The following GRIA4 variants were observed in gnomAD, a reference collection of about 807,000 sequenced individuals.
GRIA4 encodes glutamate receptor 4.
Under a neutral mutation model 104.0 loss-of-function variants are expected in GRIA4, and 34 were observed. The ratio of observed to expected loss-of-function variants is 0.33; its 90% CI spans 0.25 to 0.44. The LOEUF is 0.44. Ranked by LOEUF, GRIA4 falls within the 20% of genes least tolerant of loss-of-function variation. The pLI, the probability that GRIA4 is intolerant of heterozygous loss-of-function variation, is 1.00. For missense variants in GRIA4, 750 were observed against 1,096.5 expected, an observed-to-expected ratio of 0.68 and a Z score of 4.46; for synonymous variants, 386 against 381.9, an observed-to-expected ratio of 1.01 and a Z score of -0.13.
intron 14 of GRIA4, among the ~76,000 whole-genome samples, chr11:105,935,268 CA>C (rs1199662037): frequency 6.6e-6 from 1 of 151,992 alleles, no homozygotes; most frequent in Non-Finnish European, 1.5e-5. Context: ...AGAGGTAAAA[CA>C]AAACTAGCCA....
At chr11:105,834,225 C>G (rs1263273362) in intron 4 of GRIA4, among the ~76,000 whole-genome samples, 1 of 152,032 alleles carries the variant, frequency 6.6e-6, no homozygotes, top group Non-Finnish European at 1.5e-5. Context: ...AAGAAGATAT[C>G]CCTACTCCAT....
chr11:105,735,894 G>A (rs1938907401), intron 3 of GRIA4, among the ~76,000 whole-genome samples: 1 of 152,150 alleles, frequency 6.6e-6, no homozygotes, highest in South Asian at 2.1e-4. Flanking sequence ...AGGTTAAAAT[G>A]AGCACTGTAA....
At chr11:105,714,810 T>C (rs986546688) in intron 3 of GRIA4, among the ~76,000 whole-genome samples, 2 of 152,012 alleles carry the variant, frequency 1.3e-5, no homozygotes. Context: ...CAGAAGAGTG[T>C]GTGTGTGTGT....
At chr11:105,974,501 A>G (rs753830633) in intron 16 of GRIA4, 57 bp downstream of exon 16, 1 of 1,613,788 alleles carries the variant, frequency 6.2e-7, no homozygotes, top group Non-Finnish European at 8.5e-7. Flanking sequence ...CCCAGAATTT[A>G]GCAACCTATA....
rs577899136 is a variant in GRIA4 at position 105,900,779 on chromosome 11, G to A, written c.885+2352G>A. On this transcript the variant is annotated intron_variant, in intron 7 of 16. Coordinates refer to ENST00000282499, the MANE Select transcript of GRIA4 (RefSeq NM_000829.4). ...TAATCTTTGTATTTTTAGTATAGACGGGGTTTCGCCACGATGGCCAGGCTG... is the reference window on the plus strand; with the variant it reads ...TAATCTTTGTATTTTTAGTATAGACAGGGTTTCGCCACGATGGCCAGGCTG... Among the ~76,000 whole-genome samples the A allele has an allele frequency of 2.6e-5, 4 of 152,046 alleles. No homozygotes were observed. In the East Asian group the frequency reaches 5.8e-4, roughly 22 times the overall value.
chr11:105,965,787 A>G (rs958598330), intron 14 of GRIA4, among the ~76,000 whole-genome samples: 5 of 152,196 alleles, frequency 3.3e-5, no homozygotes, highest in South Asian at 4.1e-4. Flanking sequence ...ATTAGTTACA[A>G]TTGCCTTTGG....
chr11:105,856,262 C>A (rs1945004485), intron 4 of GRIA4, among the ~76,000 whole-genome samples: 1 of 152,068 alleles, frequency 6.6e-6, no homozygotes, highest in Non-Finnish European at 1.5e-5. Context: ...TTTTGTCACT[C>A]TTTTCTGAGA....
chr11:105,767,267 G>A (rs1940987930), intron 4 of GRIA4, among the ~76,000 whole-genome samples: 1 of 152,216 alleles, frequency 6.6e-6, no homozygotes, highest in South Asian at 2.1e-4. Context: ...AGGAATGCTT[G>A]TTCCCTAGGA....
At chr11:105,805,975 A>G (rs1299786017) in intron 4 of GRIA4, among the ~76,000 whole-genome samples, 1 of 151,882 alleles carries the variant, frequency 6.6e-6, no homozygotes, top group African/African-American at 2.4e-5. Flanking sequence ...ACAACAAAGA[A>G]CCAAAGCAAT....
rs72979258 is a variant in GRIA4 at position 105,980,739 on chromosome 11, T to C, written c.*1000T>C. On this transcript the variant is annotated 3_prime_UTR_variant, in exon 17 of 17. Transcript: ENST00000282499. ...TACAGAGCTTAAAAGTTTTTTCTTATCGTTATAAAAGTTATTTGAGAAATT... is the reference window on the plus strand; with the variant it reads ...TACAGAGCTTAAAAGTTTTTTCTTACCGTTATAAAAGTTATTTGAGAAATT... The C allele has an allele frequency of 0.066, 10,022 of 152,726 alleles. 452 individuals carry two copies. The highest frequency in any genetic ancestry group is 0.15 in the East Asian group (781 of 5,182). 9.5% of individuals were successfully genotyped at this position (152,726 alleles called of 1,614,324 possible). A position where few individuals can be genotyped will look rare whatever the true frequency, so the allele number is the denominator to read the frequency against.
chr11:105,863,802 C>T (rs549432427), intron 5 of GRIA4, among the ~76,000 whole-genome samples: 20 of 152,100 alleles, frequency 1.3e-4, no homozygotes, highest in African/African-American at 1.9e-4. Context: ...GCTTAAAAGA[C>T]CAAGTCTGGA....
chr11:105,874,978 C>T (rs1386535377), intron 5 of GRIA4, among the ~76,000 whole-genome samples: 1 of 152,172 alleles, frequency 6.6e-6, no homozygotes, highest in Non-Finnish European at 1.5e-5. Flanking sequence ...GAGAGGGCAT[C>T]CTTGTGTTTT....
chr11:105,930,527 G>A (rs756966477), intron 13 of GRIA4, among the ~76,000 whole-genome samples: 2 of 152,030 alleles, frequency 1.3e-5, no homozygotes, highest in Non-Finnish European at 2.9e-5. Context: ...TTAAACAAAT[G>A]CAGCAGTAAT....
chr11:105,689,727 T>C lies in GRIA4; in HGVS notation c.248-63254T>C, dbSNP rs1434446665. Among the ~76,000 whole-genome samples, 3 of 152,312 alleles carry C rather than the reference T, an allele frequency of 2.0e-5. No homozygotes were observed. The East Asian group carries it at 5.8e-4, about 29-fold the overall frequency. On this transcript the variant is annotated intron_variant, in intron 3 of 16. Transcript: ENST00000282499. The stretch of plus-strand genomic sequence containing the variant: ...CTGATTAAAACTCCTGGTGTAGTTA[T>C]AGCTTTAATTTGATTTTATTCTCTC...
At chr11:105,697,399 A>G (rs1953320712) in intron 3 of GRIA4, among the ~76,000 whole-genome samples, 1 of 152,058 alleles carries the variant, frequency 6.6e-6, no homozygotes, top group South Asian at 2.1e-4. Flanking sequence ...GAGGTTAAAA[A>G]CCCCTAAGCT....
intron 14 of GRIA4, among the ~76,000 whole-genome samples, chr11:105,957,785 A>G (rs2509478): frequency 0.64 from 97,151 of 151,866 alleles, 31,164 homozygotes; most frequent in Middle Eastern, 0.71. Context: ...CTTTTATTTC[A>G]TTGAGCAGTG....
chr11:105,794,822 C>T (rs1359860348), intron 4 of GRIA4, among the ~76,000 whole-genome samples: 1 of 151,546 alleles, frequency 6.6e-6, no homozygotes, highest in Non-Finnish European at 1.5e-5. Flanking sequence ...TAACCTGAAA[C>T]TCAAATTTAG....
chr11:105,887,182 G>A (rs570941170), intron 5 of GRIA4, among the ~76,000 whole-genome samples: 17 of 151,970 alleles, frequency 1.1e-4, no homozygotes, highest in African/African-American at 3.4e-4. Context: ...TAAATTCTTC[G>A]GATGAAAATC....
At chr11:105,955,631 A>G (rs1364589207) in intron 14 of GRIA4, among the ~76,000 whole-genome samples, 1 of 152,216 alleles carries the variant, frequency 6.6e-6, no homozygotes, top group East Asian at 1.9e-4. Flanking sequence ...CTTTGGGTAT[A>G]TACCCAGTAA....
Sources: allele counts gnomAD v4.1 joint callset (sites outside exome capture counted in the v4.1 genomes callset), GRCh38; gene constraint gnomAD v4.1.1; transcripts MANE v1.5; gene names NCBI Gene and HGNC (gene_info 2026-07-23, HGNC 2026-07-21).